Variants in CYP4F22 observed in about 807,000 individuals in gnomAD.
CYP4F22 encodes cytochrome P450 family 4 subfamily F member 22.
Under a neutral mutation model 60.4 loss-of-function variants are expected in CYP4F22, and 37 were observed. The observed-to-expected ratio is 0.61, with a 90% CI of 0.47 to 0.81. CYP4F22 has a LOEUF of 0.81. Among genes scored for constraint, CYP4F22 ranks in the 30% least tolerant of loss-of-function variants. The pLI, the probability that CYP4F22 is intolerant of heterozygous loss-of-function variation, is 0.00. For missense variants in CYP4F22, 655 were observed against 715.0 expected (o/e 0.92, Z 0.96); for synonymous variants, 258 against 280.5 (o/e 0.92, Z 0.80).
chr19:15,547,424 G>T (rs1971539703), intron 10 of CYP4F22, among the ~76,000 whole-genome samples: 1 of 152,076 alleles, frequency 6.6e-6, no homozygotes. Context: ...AGGTGCCCCT[G>T]GACCTCCACA....
chr19:15,518,782 G>A (rs562394266), intron 1 of CYP4F22, among the ~76,000 whole-genome samples: 2 of 151,796 alleles, frequency 1.3e-5, no homozygotes, highest in East Asian at 3.9e-4. Flanking sequence ...AGCAGGGAAG[G>A]TTCATGATCT....
At chr19:15,526,181 A>G (rs1361832110) in intron 3 of CYP4F22, among the ~76,000 whole-genome samples, 4 of 152,024 alleles carry the variant, frequency 2.6e-5, no homozygotes. Context: ...GAAAAAAAAA[A>G]GAACTCTCTC....
At chr19:15,544,781 C>T (rs1028202917) in intron 10 of CYP4F22, among the ~76,000 whole-genome samples, 5 of 152,132 alleles carry the variant, frequency 3.3e-5, no homozygotes, top group African/African-American at 1.2e-4. Context: ...TTTGCTTGGG[C>T]CGGGTGGGGT....
chr19:15,529,725 C>T lies in CYP4F22; in HGVS notation c.239C>T (p.Ala80Val), dbSNP rs116743462. 7.4e-6 allele frequency: 12 copies of T among 1,614,074 alleles called. No homozygotes were observed. The highest frequency in any genetic ancestry group is 4.0e-5 in the African/African-American group (3 of 75,022). The stretch of plus-strand genomic sequence containing the variant: ...CTCTTGCAGTACCTTCCAAATGAGG[C>T]GGGCCTTCAAGATGAGAAGAAGGTA... The part of the protein sequence containing the change: ...GHLGMYLPNE[A>V]GLQDEKKVLD... Residue 80 changes from alanine (A) to valine (V), a missense_variant, in exon 4 of 14, where the codon GCG (alanine) becomes GTG (valine). By Grantham distance (64) the Ala-to-Val change is moderately conservative. This residue lies in a region of CYP4F22 where 430 missense variants were observed against 457.1 expected (regional missense o/e 0.94). Transcript: ENST00000269703.
intron 4 of CYP4F22, among the ~76,000 whole-genome samples, chr19:15,535,817 T>C (rs1000103284): frequency 6.6e-6 from 1 of 152,256 alleles, no homozygotes; most frequent in African/African-American, 2.4e-5. Context: ...TATTTATTCA[T>C]TTAATAAAAA....
chr19:15,551,518 A>G lies in CYP4F22; in HGVS notation c.*47A>G. The G allele has an allele frequency of 6.5e-7, 1 of 1,537,932 alleles. No individual in the cohort carries two copies. Among genetic ancestry groups the G allele is most frequent in the Non-Finnish European group, 8.7e-7 (1 of 1,142,868 alleles). ...TCCCGAGGGTCCAGGCCCCGCCCCC[A>G]AAGGACCAGGACTCGCCCCAAAGAT... is the stretch of plus-strand genomic sequence containing the variant. On this transcript the variant is annotated 3_prime_UTR_variant, in exon 14 of 14. Coordinates refer to ENST00000269703, the MANE Select transcript of CYP4F22 (RefSeq NM_173483.4).
intron 3 of CYP4F22, among the ~76,000 whole-genome samples, chr19:15,526,699 C>T (rs557643769): frequency 3.5e-4 from 53 of 152,114 alleles, no homozygotes; most frequent in Middle Eastern, 3.4e-3. Flanking sequence ...CCCTCTGATG[C>T]CTCTAGTTTC....
intron 4 of CYP4F22, among the ~76,000 whole-genome samples, chr19:15,537,110 C>T (rs561483151): frequency 2.6e-5 from 4 of 152,114 alleles, no homozygotes; most frequent in South Asian, 2.1e-4. Context: ...ACCAGCCTGG[C>T]CAACATGGTG....
At chr19:15,543,858 GAAAAAAAAA>G in intron 8 of CYP4F22, 104 bp from the exon 9 acceptor site, 1 of 846,640 alleles carries the variant, frequency 1.2e-6, no homozygotes, top group South Asian at 1.6e-5. Flanking sequence ...CTCCATCTCA[GAAAAAAAAA>G]AAAAAAAAAA....
In CYP4F22 at chr19:15,548,034, TG is replaced by T. The variant is rs1971551598; in HGVS notation, c.1137-73del. 7.3e-6 allele frequency: 10 copies of T among 1,374,542 alleles called. No homozygotes were observed. The African/African-American group carries it at 1.3e-4, about 18-fold the overall frequency. The allele number at this position is 1,374,542 out of a possible 1,614,324, so 85.1% of individuals were successfully genotyped here. On this transcript the variant is annotated intron_variant, in intron 10 of 13. Transcript: ENST00000269703. ...GTGTGTGTGTGTGTGTGTGTGTGTG[TG>T]TGTGTGTGTGTGTGTTTTGGGGAGG...
At chr19:15,534,252 G>A (rs1971372675) in intron 4 of CYP4F22, among the ~76,000 whole-genome samples, 1 of 152,164 alleles carries the variant, frequency 6.6e-6, no homozygotes, top group African/African-American at 2.4e-5. Flanking sequence ...AGGCAAGATT[G>A]TTCTATTTTC....
In CYP4F22 at chr19:15,551,629, G is replaced by A; in HGVS notation, c.*158G>A. The A allele has an allele frequency of 1.1e-6, 1 of 926,562 alleles. No homozygotes were observed. The highest frequency in any genetic ancestry group is 1.6e-6 in the Non-Finnish European group (1 of 630,748). 57.4% of individuals were successfully genotyped at this position (926,562 alleles called of 1,614,324 possible). A position where few individuals can be genotyped will look rare whatever the true frequency, so the allele number is the denominator to read the frequency against. ...GCTGTTGAGCAGCCTGGTGGTACTG[G>A]CCACGCCCCTCAAGGCAAGGCTCCT... On this transcript the variant is annotated 3_prime_UTR_variant, in exon 14 of 14. Transcript: ENST00000269703.
At position 15,548,199 on chromosome 19, in the gene CYP4F22, A is replaced by G. The variant is rs775571688; in HGVS notation, c.1228A>G (p.Thr410Ala). 2.0e-5 allele frequency: 32 copies of G among 1,613,942 alleles called. No homozygotes were observed. The highest frequency in any genetic ancestry group is 4.0e-5 in the African/African-American group (3 of 74,880). The change falls in exon 11 of 14, where the codon ACG becomes GCG. Residue 410 changes from threonine (T) to alanine (A), a missense_variant. Thr to Ala is a moderately conservative substitution (Grantham distance 58, BLOSUM62 0). This residue lies in a region of CYP4F22 where 74 missense variants were observed against 118.4 expected (regional missense o/e 0.62). Transcript: ENST00000269703. ...PPVTLVSRQC[T>A]EDIKLPDGRI... Reference sequence around the variant, plus strand: ...TGTCACTCTTGTCTCTCGCCAATGCACGGAGGACATCAAGCTCCCAGATGG... The same window carrying G: ...TGTCACTCTTGTCTCTCGCCAATGCGCGGAGGACATCAAGCTCCCAGATGG...
rs1159641289 is a variant in CYP4F22 at position 15,510,945 on chromosome 19, C to T, written c.-109+2362C>T. ...ACCAGCCTGGGGAATATAGGGATACCATATATATATATATATATATATTTT... is the reference window on the plus strand; with the variant it reads ...ACCAGCCTGGGGAATATAGGGATACTATATATATATATATATATATATTTT... On this transcript the variant is annotated intron_variant, in intron 1 of 13. Coordinates refer to ENST00000269703, the MANE Select transcript of CYP4F22 (RefSeq NM_173483.4). 3.1e-4 allele frequency among the ~76,000 whole-genome samples: 35 copies of T among 111,566 alleles called. 1 individual carries two copies. Among genetic ancestry groups the T allele is most frequent in the African/African-American group, 1.2e-3 (34 of 27,594 alleles). 73.2% of individuals were successfully genotyped at this position (111,566 alleles called of 152,430 possible). A position where few individuals can be genotyped will look rare whatever the true frequency, so the allele number is the denominator to read the frequency against.
At chr19:15,550,615 G>C in intron 12 of CYP4F22, 59 bp from the exon 13 acceptor site, 1 of 1,573,322 alleles carries the variant, frequency 6.4e-7, no homozygotes, top group East Asian at 2.2e-5. Context: ...CAGGGAAGGG[G>C]GCCAGGCTGG....
Position 15,544,337 on chromosome 19 carries a change from A to G in CYP4F22, c.1136+58A>G, listed in dbSNP as rs928983012. On this transcript the variant is annotated intron_variant, in intron 10 of 13. Coordinates refer to ENST00000269703, the MANE Select transcript of CYP4F22 (RefSeq NM_173483.4). ...GGTTGAGGCCAGAGCCTTGGGTGTA[A>G]GCCTCTGCTCTCCCACTTACTGATT... The G allele has an allele frequency of 8.9e-6, 14 of 1,571,052 alleles. No homozygotes were observed. In the African/African-American group the frequency reaches 1.9e-4, roughly 21 times the overall value.
chr19:15,530,426 A>G (rs1158512568), intron 4 of CYP4F22, among the ~76,000 whole-genome samples: 1 of 152,078 alleles, frequency 6.6e-6, no homozygotes, highest in Non-Finnish European at 1.5e-5. Context: ...AGACAGACCT[A>G]TTCTCAGTCC....
At chr19:15,530,685 G>A (rs1329372267) in intron 4 of CYP4F22, among the ~76,000 whole-genome samples, 1 of 152,106 alleles carries the variant, frequency 6.6e-6, no homozygotes, top group Non-Finnish European at 1.5e-5. Context: ...TTCTTCACAT[G>A]GCAGCAGGAA....
chr19:15,533,669 C>G (rs1311560507), intron 4 of CYP4F22, among the ~76,000 whole-genome samples: 2 of 134,098 alleles, frequency 1.5e-5, no homozygotes, highest in African/African-American at 5.7e-5. Flanking sequence ...GTAGCCATAA[C>G]TCATTACAGC....
Sources: gnomAD v4.1 joint callset for allele counts (sites outside exome capture counted in the v4.1 genomes callset) on GRCh38, gnomAD v4.1.1 for gene constraint, gnomAD v4.1.1 regional missense constraint, MANE v1.5 for transcripts, NCBI Gene and HGNC (gene_info 2026-07-23, HGNC 2026-07-21) for gene names.